The following PEAK1 variants were observed in gnomAD, a reference collection of about 807,000 sequenced individuals.
PEAK1 encodes inactive tyrosine-protein kinase PEAK1.
Under a neutral mutation model 124.7 loss-of-function variants are expected in PEAK1, and 54 were observed. The ratio of observed to expected loss-of-function variants is 0.43; its 90% CI spans 0.35 to 0.54. The LOEUF is 0.54. PEAK1 is among the 20% of genes least tolerant of loss of function. The probability of loss-of-function intolerance (pLI) is 0.01; values close to 1 mark genes in which losing one functional copy is unlikely to be tolerated. For missense variants in PEAK1, 2,046 were observed against 2,134.5 expected (o/e 0.96, Z 0.82); for synonymous variants, 719 against 760.0 (o/e 0.95, Z 0.89).
chr15:77,196,493 T>C (rs181019823), intron 6 of PEAK1, among the ~76,000 whole-genome samples: 56 of 152,312 alleles, frequency 3.7e-4, no homozygotes, highest in Middle Eastern at 6.8e-3. Flanking sequence ...CAAATCTCTC[T>C]AAATTTACTG....
At chr15:77,236,966 T>C (rs1277405248) in intron 6 of PEAK1, among the ~76,000 whole-genome samples, 1 of 152,182 alleles carries the variant, frequency 6.6e-6, no homozygotes, top group Non-Finnish European at 1.5e-5. Context: ...AATTGTTAAG[T>C]TTCTTGAGGT....
At chr15:77,260,589 T>C (rs954314216) in intron 5 of PEAK1, among the ~76,000 whole-genome samples, 1 of 152,088 alleles carries the variant, frequency 6.6e-6, no homozygotes, top group South Asian at 2.1e-4. Flanking sequence ...AAATAACTTC[T>C]AGAGATAAAA....
chr15:77,226,632 C>T (rs1056365105), intron 6 of PEAK1, among the ~76,000 whole-genome samples: 5 of 151,950 alleles, frequency 3.3e-5, no homozygotes, highest in Admixed American at 2.0e-4. Flanking sequence ...ATCTGTCTCA[C>T]GAAAAGATAG....
intron 5 of PEAK1, among the ~76,000 whole-genome samples, chr15:77,256,866 T>C (rs1196798234): frequency 6.7e-6 from 1 of 149,754 alleles, no homozygotes; most frequent in African/African-American, 2.5e-5. Context: ...CCTAATGCTA[T>C]CCCTCCCACC....
chr15:77,228,398 T>C (rs2059769802), intron 6 of PEAK1, among the ~76,000 whole-genome samples: 1 of 152,142 alleles, frequency 6.6e-6, no homozygotes, highest in African/African-American at 2.4e-5. Context: ...AAAATCAAGT[T>C]AGATAATTTG....
chr15:77,254,632 T>C (rs923383077), intron 5 of PEAK1, among the ~76,000 whole-genome samples: 39 of 152,206 alleles, frequency 2.6e-4, no homozygotes, highest in Middle Eastern at 3.4e-3. Flanking sequence ...TGGGTCTCAC[T>C]ACATTGCCTA....
chr15:77,345,822 G>A (rs1484376062), intron 2 of PEAK1: 1 of 711,352 alleles, frequency 1.4e-6, no homozygotes, highest in Non-Finnish European at 1.7e-6. Flanking sequence ...TTTACACATT[G>A]TATACAGGTA....
intron 2 of PEAK1, among the ~76,000 whole-genome samples, chr15:77,298,332 C>T (rs1207444122): frequency 6.8e-6 from 1 of 148,098 alleles, no homozygotes; most frequent in Non-Finnish European, 1.5e-5. Context: ...CATTCTCCTG[C>T]CTCAGCCTCC....
chr15:77,230,649 C>T (rs2059871205), intron 6 of PEAK1, among the ~76,000 whole-genome samples: 1 of 152,062 alleles, frequency 6.6e-6, no homozygotes, highest in Admixed American at 6.6e-5. Context: ...TGTAATCCCA[C>T]CAATTTGGAA....
At chr15:77,218,586 T>TA (rs1292738503) in intron 6 of PEAK1, among the ~76,000 whole-genome samples, 1 of 151,780 alleles carries the variant, frequency 6.6e-6, no homozygotes, top group Admixed American at 6.6e-5. Flanking sequence ...TTTTTTTTTT[T>TA]AAAGAGATGG....
chr15:77,394,451 G>A (rs1567347268), intron 1 of PEAK1, among the ~76,000 whole-genome samples: 1 of 152,172 alleles, frequency 6.6e-6, no homozygotes, highest in South Asian at 2.1e-4. Context: ...ATTTGTTTGG[G>A]AGAAGGTAAG....
rs374802198 is a variant in PEAK1 at position 77,110,370 on chromosome 15, G to C, written c.*3786C>G. The stretch of plus-strand genomic sequence containing the variant: ...GCCCTCCTAAAGTGTTGGGATTACA[G>C]GCGTGAGCCACTGCGCCTGGCCTGG... On this transcript the variant is annotated 3_prime_UTR_variant, in exon 10 of 10. Coordinates refer to ENST00000682557, the MANE Select transcript of PEAK1 (RefSeq NM_001385026.1). 1 of 152,188 alleles carries C rather than the reference G, an allele frequency of 6.6e-6. No individual in the cohort carries two copies. The highest frequency in any genetic ancestry group is 1.9e-4 in the East Asian group (1 of 5,192). The allele number at this position is 152,188 out of a possible 1,614,324, so 9.4% of individuals were successfully genotyped here. A position where few individuals can be genotyped will look rare whatever the true frequency, so the allele number is the denominator to read the frequency against.
At chr15:77,408,066 CATATATACAT>C (rs1024531867) in intron 1 of PEAK1, among the ~76,000 whole-genome samples, 107 of 127,374 alleles carry the variant, frequency 8.4e-4, no homozygotes, top group African/African-American at 2.7e-3. Flanking sequence ...CATAGATACA[CATATATACAT>C]ATATACACAT....
At chr15:77,373,787 AG>A (rs1210474639) in intron 1 of PEAK1, among the ~76,000 whole-genome samples, 1 of 152,220 alleles carries the variant, frequency 6.6e-6, no homozygotes, top group African/African-American at 2.4e-5. Context: ...CTAGCTTATC[AG>A]GCTTCTAATT....
intron 5 of PEAK1, among the ~76,000 whole-genome samples, chr15:77,263,927 A>G (rs2061576493): frequency 6.6e-6 from 1 of 152,176 alleles, no homozygotes; most frequent in African/African-American, 2.4e-5. Context: ...GTGGGCTTCA[A>G]CCTGGGATGC....
intron 7 of PEAK1, among the ~76,000 whole-genome samples, chr15:77,167,901 C>T (rs1421807250): frequency 6.6e-6 from 1 of 152,050 alleles, no homozygotes; most frequent in African/African-American, 2.4e-5. Context: ...CCCCACCCCA[C>T]GACAGGCCCC....
chr15:77,188,271 T>C (rs1162717081), intron 6 of PEAK1, among the ~76,000 whole-genome samples: 1 of 152,210 alleles, frequency 6.6e-6, no homozygotes, highest in Non-Finnish European at 1.5e-5. Context: ...CCAGTTCCAA[T>C]TGTTCTAACC....
intron 5 of PEAK1, among the ~76,000 whole-genome samples, chr15:77,256,158 GA>G (rs1431931835): frequency 6.6e-6 from 1 of 152,042 alleles, no homozygotes; most frequent in Non-Finnish European, 1.5e-5. Context: ...ACATTAATAA[GA>G]TAAGCATAAT....
Position 77,283,885 on chromosome 15 carries a change from C to G in PEAK1, c.-277G>C. The G allele has an allele frequency of 1.0e-6, 1 of 980,616 alleles. No individual in the cohort carries two copies. Among genetic ancestry groups the G allele is most frequent in the Non-Finnish European group, 1.2e-6 (1 of 825,512 alleles). 60.7% of individuals were successfully genotyped at this position (980,616 alleles called of 1,614,324 possible). A position where few individuals can be genotyped will look rare whatever the true frequency, so the allele number is the denominator to read the frequency against. On this transcript the variant is annotated splice_region_variant and 5_prime_UTR_variant, in exon 5 of 10. Transcript: ENST00000682557. The stretch of plus-strand genomic sequence containing the variant: ...CTTATTACTTGCCACTTCCTTACCT[C>G]TTTGTTACTGTTATTTATATAGCTG...
Sources: allele counts gnomAD v4.1 joint callset (sites outside exome capture counted in the v4.1 genomes callset), GRCh38; gene constraint gnomAD v4.1.1; transcripts MANE v1.5; gene names NCBI Gene and HGNC (gene_info 2026-07-23, HGNC 2026-07-21).